WDR7: variants seen among roughly 807,000 people sequenced by gnomAD.
The protein encoded by WDR7 is WD repeat domain 7.
In WDR7, 46 loss-of-function variants were observed where a neutral mutation model predicts 169.4. The ratio of observed to expected loss-of-function variants is 0.27; its 90% CI spans 0.21 to 0.35. WDR7 has a LOEUF of 0.35. Among genes scored for constraint, WDR7 ranks in the 10% least tolerant of loss-of-function variants. The probability of loss-of-function intolerance (pLI) is 1.00; values close to 1 mark genes in which losing one functional copy is unlikely to be tolerated. For missense variants in WDR7, 1,534 were observed against 1,859.3 expected (o/e 0.83, Z 3.22); for synonymous variants, 612 against 666.8 (o/e 0.92, Z 1.27).
Position 56,731,521 on chromosome 18 carries a change from C to T in WDR7, c.1913C>T (p.Ala638Val). Residue 638 changes from alanine (A) to valine (V), a missense_variant, in exon 14 of 28, where the codon GCT (alanine) becomes GTT (valine). Ala to Val is a moderately conservative substitution (Grantham distance 64). Transcript: ENST00000254442. Reference sequence around the variant, plus strand: ...CAAGCTATGACGAGACGTAGTCTTGCTGCTCTTAAAAATATGGCCCATCAT... The same window carrying T: ...CAAGCTATGACGAGACGTAGTCTTGTTGCTCTTAAAAATATGGCCCATCAT... ...LKQAMTRRSL[A>V]ALKNMAHHKL... 1 of 1,614,084 alleles carries T rather than the reference C, an allele frequency of 6.2e-7. No homozygotes were observed. Among genetic ancestry groups the T allele is most frequent in the Non-Finnish European group, 8.5e-7 (1 of 1,180,022 alleles).
intron 26 of WDR7, among the ~76,000 whole-genome samples, chr18:56,974,808 C>T (rs2047542164): frequency 6.6e-6 from 1 of 152,126 alleles, no homozygotes; most frequent in Non-Finnish European, 1.5e-5. Context: ...AAGGTATTTA[C>T]AATCTGGCAG....
At chr18:56,894,163 G>A (rs752200094) in intron 21 of WDR7, among the ~76,000 whole-genome samples, 1 of 151,834 alleles carries the variant, frequency 6.6e-6, no homozygotes, top group Non-Finnish European at 1.5e-5. Flanking sequence ...TAGCATCAGG[G>A]TTGCCTACCT....
intron 20 of WDR7, among the ~76,000 whole-genome samples, chr18:56,817,550 T>C (rs2045000339): frequency 6.6e-6 from 1 of 152,044 alleles, no homozygotes; most frequent in African/African-American, 2.4e-5. Flanking sequence ...GAACATCTGA[T>C]TTTCAATAAA....
intron 26 of WDR7, among the ~76,000 whole-genome samples, chr18:56,987,633 G>A (rs1025478838): frequency 3.9e-5 from 6 of 152,128 alleles, no homozygotes; most frequent in Non-Finnish European, 1.5e-5. Context: ...TTACGTATTT[G>A]GGCATAACCT....
At chr18:56,781,207 A>G (rs974942575) in intron 18 of WDR7, among the ~76,000 whole-genome samples, 10 of 152,232 alleles carry the variant, frequency 6.6e-5, no homozygotes, top group African/African-American at 2.4e-4. Context: ...GTAAAATGCT[A>G]CATTAAAGTT....
rs937050541 is a variant in WDR7, at chr18:57,027,348, T to C, written c.*141T>C. The C allele has an allele frequency of 2.0e-6, 2 of 1,022,282 alleles. No homozygotes were observed. The highest frequency in any genetic ancestry group is 2.8e-6 in the Non-Finnish European group (2 of 712,500). The allele number at this position is 1,022,282 out of a possible 1,614,324, so 63.3% of individuals were successfully genotyped here. A position where few individuals can be genotyped will look rare whatever the true frequency, so the allele number is the denominator to read the frequency against. On this transcript the variant is annotated 3_prime_UTR_variant, in exon 28 of 28. Transcript: ENST00000254442. ...CAGTGGCACGGCCGGGTCTTGTCAC[T>C]TGTGCATGCTTCTCAGGGGCAGAAC...
At chr18:56,701,142 A>T (rs957684332) in intron 12 of WDR7, among the ~76,000 whole-genome samples, 7 of 152,240 alleles carry the variant, frequency 4.6e-5, no homozygotes, top group African/African-American at 7.2e-5. Context: ...GGATAAGGTA[A>T]GTATTTAAGC....
chr18:57,028,112 G>A lies in WDR7; in HGVS notation c.*905G>A, dbSNP rs560913506. The A allele has an allele frequency of 1.6e-4, 24 of 152,150 alleles. No individual in the cohort carries two copies. The South Asian group carries it at 2.1e-3, about 13-fold the overall frequency. 9.4% of individuals were successfully genotyped at this position (152,150 alleles called of 1,614,324 possible). On this transcript the variant is annotated 3_prime_UTR_variant, in exon 28 of 28. Coordinates refer to ENST00000254442, the MANE Select transcript of WDR7 (RefSeq NM_015285.3). Reference sequence around the variant, plus strand: ...AAGAAAGAGCTTACCCCTTTCCCCCGGAAAACTTGCAATCCTGTAGTTCCC... The same window carrying A: ...AAGAAAGAGCTTACCCCTTTCCCCCAGAAAACTTGCAATCCTGTAGTTCCC...
intron 20 of WDR7, among the ~76,000 whole-genome samples, chr18:56,877,864 G>A (rs1161456318): frequency 6.6e-6 from 1 of 152,074 alleles, no homozygotes; most frequent in Non-Finnish European, 1.5e-5. Context: ...AGTCCATGGT[G>A]GGCTTTGATA....
chr18:56,902,603 A>T (rs79569315), intron 21 of WDR7, among the ~76,000 whole-genome samples: 1,818 of 152,316 alleles, frequency 0.012, 42 homozygotes, highest in African/African-American at 0.042. Context: ...AACTTGTGTC[A>T]TATGAAATTG....
chr18:57,022,243 C>T (rs926612224), intron 27 of WDR7, among the ~76,000 whole-genome samples: 2 of 152,188 alleles, frequency 1.3e-5, no homozygotes, highest in African/African-American at 2.4e-5. Context: ...TCCCCCCCGC[C>T]GCCACTCGTG....
rs561899810 is a variant in WDR7, at chr18:56,964,030, C to G, written c.4164+1501C>G. The stretch of plus-strand genomic sequence containing the variant: ...GGACTCTTTGTTACCACATAAGACA[C>G]AGCTGCCATCAGCAGAGGAAGAGTG... On this transcript the variant is annotated intron_variant, in intron 26 of 27. Transcript: ENST00000254442. Among the ~76,000 whole-genome samples, 14 of 151,058 alleles carry G rather than the reference C, an allele frequency of 9.3e-5. No individual in the cohort carries two copies. In the South Asian group the frequency reaches 2.9e-3, roughly 32 times the overall value.
At chr18:56,690,290 G>A (rs114218647) in intron 7 of WDR7, among the ~76,000 whole-genome samples, 1 of 152,130 alleles carries the variant, frequency 6.6e-6, no homozygotes, top group African/African-American at 2.4e-5. Context: ...GATAATAATT[G>A]TAAAGGTACT....
chr18:56,851,786 G>A (rs2045644240), intron 20 of WDR7, among the ~76,000 whole-genome samples: 1 of 152,090 alleles, frequency 6.6e-6, no homozygotes, highest in African/African-American at 2.4e-5. Context: ...TGGTCTTTTG[G>A]TACAGTATTA....
At chr18:56,775,413 A>G (rs1013926146) in intron 16 of WDR7, among the ~76,000 whole-genome samples, 3 of 152,168 alleles carry the variant, frequency 2.0e-5, no homozygotes, top group Admixed American at 6.5e-5. Context: ...TGAATTTGTA[A>G]TTAAAAATGA....
chr18:56,651,733 C>G (rs1396065977), intron 1 of WDR7, 157 bp downstream of exon 1: 1 of 152,390 alleles, frequency 6.6e-6, no homozygotes. Flanking sequence ...CAGGTCGGGC[C>G]CAAAAGTAGG....
chr18:56,997,169 G>C (rs934750895), intron 26 of WDR7, among the ~76,000 whole-genome samples: 6 of 152,128 alleles, frequency 3.9e-5, no homozygotes, highest in African/African-American at 1.4e-4. Flanking sequence ...TTGTTCAGAG[G>C]AAAGGAAGCA....
chr18:56,801,559 C>A (rs147503776), intron 19 of WDR7, among the ~76,000 whole-genome samples: 188 of 152,318 alleles, frequency 1.2e-3, no homozygotes, highest in African/African-American at 4.3e-3. Flanking sequence ...CAGTACCATA[C>A]AGAACGTTTG....
chr18:56,805,338 A>G (rs1240436139), intron 19 of WDR7, among the ~76,000 whole-genome samples: 2 of 152,150 alleles, frequency 1.3e-5, no homozygotes, highest in African/African-American at 4.8e-5. Context: ...CGCACTGATC[A>G]CTTCCCCAGA....
Sources: allele counts gnomAD v4.1 joint callset (sites outside exome capture counted in the v4.1 genomes callset), GRCh38; gene constraint gnomAD v4.1.1; transcripts MANE v1.5; gene names NCBI Gene and HGNC (gene_info 2026-07-23, HGNC 2026-07-21).